CARMIL1: variants seen among roughly 807,000 people sequenced by gnomAD.
CARMIL1 encodes capping protein regulator and myosin 1 linker 1.
Under a neutral mutation model 177.1 loss-of-function variants are expected in CARMIL1, and 90 were observed. That is an observed-to-expected ratio of 0.51 (90% CI 0.43 to 0.61). The LOEUF is 0.61. CARMIL1 is among the 20% of genes least tolerant of loss of function. The probability of loss-of-function intolerance (pLI) is 0.00; values close to 1 mark genes in which losing one functional copy is unlikely to be tolerated. For missense variants in CARMIL1, 1,380 were observed against 1,667.0 expected (o/e 0.83, Z 3.00); for synonymous variants, 577 against 606.2 (o/e 0.95, Z 0.71).
intron 4 of CARMIL1, 141 bp downstream of exon 4, chr6:25,426,701 T>TGGAAAGGAGTTG: frequency 3.2e-6 from 2 of 632,470 alleles, no homozygotes; most frequent in Non-Finnish European, 2.7e-6. Flanking sequence ...ACTGGCTGTG[T>TGGAAAGGAGTTG]GGACAGGAGT....
intron 11 of CARMIL1, among the ~76,000 whole-genome samples, chr6:25,480,213 T>A (rs1437763172): frequency 6.6e-6 from 1 of 152,168 alleles, no homozygotes; most frequent in East Asian, 1.9e-4. Context: ...TTTCTATATC[T>A]TTACTGACTT....
intron 8 of CARMIL1, among the ~76,000 whole-genome samples, chr6:25,455,537 G>A (rs1562162490): frequency 1.3e-5 from 2 of 152,120 alleles, no homozygotes. Context: ...AGAATCCTGC[G>A]AGCTAGGATT....
intron 3 of CARMIL1, 50 bp from the exon 4 acceptor site, chr6:25,426,451 T>C: frequency 1.4e-6 from 2 of 1,388,768 alleles, no homozygotes; most frequent in South Asian, 1.2e-5. Flanking sequence ...TATGTTTTTT[T>C]AAAACCCTCA....
chr6:25,388,934 C>T (rs530452934), intron 2 of CARMIL1, among the ~76,000 whole-genome samples: 9 of 151,948 alleles, frequency 5.9e-5, no homozygotes, highest in East Asian at 3.9e-4. Context: ...CTTCCTGTGT[C>T]GGCCTCCAAA....
In CARMIL1 at chr6:25,578,044, T is replaced by C. The variant is rs76781461; in HGVS notation, c.2743-2880T>C. Among the ~76,000 whole-genome samples, 79 of 152,336 alleles carry C rather than the reference T, an allele frequency of 5.2e-4. No homozygotes were observed. The East Asian group carries it at 0.014, about 27-fold the overall frequency. ...TGCTTGCAAGATGCATTTTTTAAGA[T>C]AAGTTAATTTTGTCTAGGCCTCAAG... On this transcript the variant is annotated intron_variant, in intron 29 of 36. Transcript: ENST00000329474.
chr6:25,282,222 A>G (rs1308463606), intron 1 of CARMIL1, among the ~76,000 whole-genome samples: 2 of 150,326 alleles, frequency 1.3e-5, no homozygotes, highest in Non-Finnish European at 3.0e-5. Flanking sequence ...ACTTAGAGGT[A>G]GTTATTTTAA....
intron 2 of CARMIL1, among the ~76,000 whole-genome samples, chr6:25,394,869 T>C (rs1356158418): frequency 1.3e-5 from 2 of 152,222 alleles, no homozygotes; most frequent in African/African-American, 4.8e-5. Flanking sequence ...TGTTTATAAG[T>C]AAATATGTTA....
At chr6:25,518,944 A>T (rs1464827547) in intron 22 of CARMIL1, among the ~76,000 whole-genome samples, 1 of 152,254 alleles carries the variant, frequency 6.6e-6, no homozygotes. Flanking sequence ...GAAGGCAAAC[A>T]AAAACAATTT....
chr6:25,340,890 C>A (rs944078783), intron 2 of CARMIL1, among the ~76,000 whole-genome samples: 1 of 144,954 alleles, frequency 6.9e-6, no homozygotes, highest in African/African-American at 2.6e-5. Context: ...TAAATTCTGA[C>A]CATGTAATAA....
At chr6:25,458,455 C>T (rs1799724628) in intron 8 of CARMIL1, among the ~76,000 whole-genome samples, 1 of 138,384 alleles carries the variant, frequency 7.2e-6, no homozygotes, top group Non-Finnish European at 1.5e-5. Context: ...CACTGCACTC[C>T]AGCCTGGGTG....
At chr6:25,576,903 C>A in intron 29 of CARMIL1, 1 of 708,854 alleles carries the variant, frequency 1.4e-6, no homozygotes, top group Non-Finnish European at 1.7e-6. Flanking sequence ...CCTCTCCCTC[C>A]CCTTTCCTAG....
chr6:25,387,474 A>G (rs912275422), intron 2 of CARMIL1, among the ~76,000 whole-genome samples: 2 of 152,216 alleles, frequency 1.3e-5, no homozygotes, highest in African/African-American at 4.8e-5. Flanking sequence ...GTTGTTCTGA[A>G]TTTTCTAAGT....
At chr6:25,432,346 A>G (rs1225066457) in intron 4 of CARMIL1, among the ~76,000 whole-genome samples, 2 of 152,126 alleles carry the variant, frequency 1.3e-5, no homozygotes, top group Admixed American at 6.5e-5. Flanking sequence ...GTTCTTTATT[A>G]TGATTTAATT....
chr6:25,290,369 C>CTTTTTTTTTT (rs910242856), intron 2 of CARMIL1, among the ~76,000 whole-genome samples: 1 of 95,364 alleles, frequency 1.0e-5, no homozygotes. Context: ...TGCTGGGATT[C>CTTTTTTTTTT]TTTTTTTTTT....
chr6:25,620,416 A>G lies in CARMIL1; in HGVS notation c.*833A>G, dbSNP rs1177918221. 1 of 152,224 alleles carries G rather than the reference A, an allele frequency of 6.6e-6. No homozygotes were observed. The highest frequency in any genetic ancestry group is 1.5e-5 in the Non-Finnish European group (1 of 68,044). 9.4% of individuals were successfully genotyped at this position (152,224 alleles called of 1,614,324 possible). On this transcript the variant is annotated 3_prime_UTR_variant, in exon 37 of 37. Transcript: ENST00000329474. ...AAGAGAGAATACTTTGACACCTGTA[A>G]AAATCAAAATACTACTCTTTATAAG...
intron 31 of CARMIL1, among the ~76,000 whole-genome samples, chr6:25,581,654 GT>G (rs1813134548): frequency 6.6e-6 from 1 of 152,160 alleles, no homozygotes; most frequent in Non-Finnish European, 1.5e-5. Flanking sequence ...CAACATAATT[GT>G]GGAGAAAACA....
chr6:25,560,025 G>A (rs1367572148), intron 29 of CARMIL1, among the ~76,000 whole-genome samples: 1 of 152,164 alleles, frequency 6.6e-6, no homozygotes, highest in African/African-American at 2.4e-5. Context: ...AGTTGGAAAC[G>A]ATAATCCATA....
chr6:25,472,576 T>A, intron 11 of CARMIL1, 55 bp downstream of exon 11: 1 of 1,411,086 alleles, frequency 7.1e-7, no homozygotes, highest in East Asian at 2.5e-5. Flanking sequence ...GATTAGAGAA[T>A]TTTAATTTAG....
Position 25,420,008 on chromosome 6 carries a change from TG to T in CARMIL1, c.139-105del, listed in dbSNP as rs1472635506. On this transcript the variant is annotated intron_variant, in intron 2 of 36. Transcript: ENST00000329474. ...TTCTTACATGACAGGAGCCAAGCCATGTGGCCTTCTGAGGTTTCAGTATCAT... is the reference window on the plus strand; with the variant it reads ...TTCTTACATGACAGGAGCCAAGCCATTGGCCTTCTGAGGTTTCAGTATCAT... 19 of 820,530 alleles carry T rather than the reference TG, an allele frequency of 2.3e-5. No homozygotes were observed. The East Asian group carries it at 4.7e-4, about 20-fold the overall frequency. The allele number at this position is 820,530 out of a possible 1,614,324, so 50.8% of individuals were successfully genotyped here.
Sources: allele counts gnomAD v4.1 joint callset (sites outside exome capture counted in the v4.1 genomes callset), GRCh38; gene constraint gnomAD v4.1.1; transcripts MANE v1.5; gene names NCBI Gene and HGNC (gene_info 2026-07-23, HGNC 2026-07-21).